Variants in DAB1 observed in about 807,000 individuals in gnomAD.
DAB1 encodes DAB adaptor protein 1, also known as disabled homolog 1.
Under a neutral mutation model 64.6 loss-of-function variants are expected in DAB1, and 15 were observed. The observed-to-expected ratio is 0.23, with a 90% CI of 0.16 to 0.36. The LOEUF (loss-of-function observed/expected upper bound fraction) is 0.36, where lower values mean the gene tolerates loss of function less well. DAB1 is among the 10% of genes least tolerant of loss of function. The probability of loss-of-function intolerance (pLI) is 1.00; values close to 1 mark genes in which losing one functional copy is unlikely to be tolerated. For missense variants in DAB1, 596 were observed against 706.7 expected (o/e 0.84, Z 1.78); for synonymous variants, 235 against 251.9 (o/e 0.93, Z 0.64).
At chr1:57,129,969 T>A (rs1348368883) in intron 4 of DAB1, among the ~76,000 whole-genome samples, 1 of 151,998 alleles carries the variant, frequency 6.6e-6, no homozygotes, top group African/African-American at 2.4e-5. Flanking sequence ...CCGATTAGCA[T>A]CTGTGTCACA....
intron 2 of DAB1, among the ~76,000 whole-genome samples, chr1:57,150,535 C>T (rs931194091): frequency 3.9e-5 from 6 of 152,156 alleles, no homozygotes; most frequent in Non-Finnish European, 8.8e-5. Flanking sequence ...GAGGAAGCCA[C>T]ATTTCAAAAG....
chr1:58,338,369 C>A (rs1408490440), intron 4 of DAB1, among the ~76,000 whole-genome samples: 1 of 152,150 alleles, frequency 6.6e-6, no homozygotes, highest in Non-Finnish European at 1.5e-5. Flanking sequence ...GTCCTTCATT[C>A]CTCTTGCCCA....
chr1:58,088,647 G>T (rs1364997472), intron 5 of DAB1, among the ~76,000 whole-genome samples: 2 of 152,208 alleles, frequency 1.3e-5, no homozygotes, highest in Non-Finnish European at 2.9e-5. Context: ...AACTTTCTCA[G>T]TGGGAAGGCA....
At chr1:57,593,870 A>G (rs1166840182) in intron 7 of DAB1, among the ~76,000 whole-genome samples, 1 of 152,248 alleles carries the variant, frequency 6.6e-6, no homozygotes, top group African/African-American at 2.4e-5. Flanking sequence ...AGAGAATGCC[A>G]TATTCCCAAA....
intron 4 of DAB1, among the ~76,000 whole-genome samples, chr1:58,246,916 G>A (rs987186343): frequency 7.0e-4 from 107 of 152,068 alleles, no homozygotes; most frequent in Non-Finnish European, 1.5e-3. Context: ...GTGTGAGCAT[G>A]TGTGTGTGTT....
chr1:57,059,704 A>T (rs1283537183), intron 9 of DAB1, among the ~76,000 whole-genome samples: 1 of 151,974 alleles, frequency 6.6e-6, no homozygotes, highest in Non-Finnish European at 1.5e-5. Context: ...TTTCCAATAC[A>T]TAAACTACTC....
At chr1:57,482,200 T>C (rs1232817228) in intron 7 of DAB1, among the ~76,000 whole-genome samples, 2 of 152,026 alleles carry the variant, frequency 1.3e-5, no homozygotes, top group Non-Finnish European at 2.9e-5. Context: ...TAAGTTCGCA[T>C]GAAAGAGCGA....
chr1:57,203,707 T>C (rs1381612683), intron 2 of DAB1, among the ~76,000 whole-genome samples: 3 of 152,214 alleles, frequency 2.0e-5, no homozygotes, highest in Non-Finnish European at 4.4e-5. Context: ...TGCACTGGAC[T>C]GCATTGTCTC....
intron 2 of DAB1, among the ~76,000 whole-genome samples, chr1:57,287,246 A>AT (rs34523421): frequency 1.6e-4 from 24 of 150,926 alleles, no homozygotes; most frequent in Non-Finnish European, 2.5e-4. Flanking sequence ...CATTCTTTGC[A>AT]TTTTTTTTTG....
At chr1:57,408,537 C>T (rs1357111304) in intron 1 of DAB1, among the ~76,000 whole-genome samples, 1 of 152,098 alleles carries the variant, frequency 6.6e-6, no homozygotes, top group African/African-American at 2.4e-5. Flanking sequence ...TCTGGAATTG[C>T]AGAAAAGGGA....
chr1:57,406,874 C>T (rs1015506031), intron 1 of DAB1, among the ~76,000 whole-genome samples: 3 of 152,188 alleles, frequency 2.0e-5, no homozygotes, highest in African/African-American at 7.2e-5. Flanking sequence ...ATGTCCAAGA[C>T]AAAGTCACCA....
intron 6 of DAB1, 140 bp from the exon 7 acceptor site, chr1:57,071,201 C>T (rs952548784): frequency 4.8e-6 from 4 of 839,086 alleles, no homozygotes; most frequent in Admixed American, 2.7e-5. Flanking sequence ...GTAGAAAAAA[C>T]ACAAAAAAGT....
chr1:57,458,641 C>G (rs1231109076), intron 7 of DAB1, among the ~76,000 whole-genome samples: 2 of 151,994 alleles, frequency 1.3e-5, no homozygotes, highest in African/African-American at 2.4e-5. Context: ...ATGATTTATA[C>G]ATTATAAAAA....
chr1:57,625,531 C>T (rs1645912595), intron 7 of DAB1, among the ~76,000 whole-genome samples: 1 of 152,128 alleles, frequency 6.6e-6, no homozygotes, highest in African/African-American at 2.4e-5. Context: ...TCAGCACCCA[C>T]TCTGGCAAAA....
At chr1:58,497,455 G>C (rs1204062222) in intron 3 of DAB1, among the ~76,000 whole-genome samples, 2 of 152,146 alleles carry the variant, frequency 1.3e-5, no homozygotes, top group Non-Finnish European at 2.9e-5. Context: ...ACTACTTTCT[G>C]AAATGCATAC....
At chr1:57,386,498 TGAATA>T (rs904231717) in intron 1 of DAB1, 6 of 152,024 alleles carry the variant, frequency 3.9e-5, no homozygotes, top group Non-Finnish European at 7.4e-5. Context: ...AACCTGAGAC[TGAATA>T]GAACCCATTG....
chr1:57,350,262 A>G (rs1678472315), intron 1 of DAB1, among the ~76,000 whole-genome samples: 1 of 152,144 alleles, frequency 6.6e-6, no homozygotes, highest in African/African-American at 2.4e-5. Context: ...CACTGATACA[A>G]AGAATTTGAA....
chr1:57,519,319 C>CG (rs1644498646), intron 7 of DAB1, among the ~76,000 whole-genome samples: 1 of 151,984 alleles, frequency 6.6e-6, no homozygotes, highest in Non-Finnish European at 1.5e-5. Context: ...ATAAGCCTGC[C>CG]GGTGCCCTGA....
At chr1:58,077,673 T>C (rs191431134) in intron 5 of DAB1, among the ~76,000 whole-genome samples, 16 of 152,294 alleles carry the variant, frequency 1.1e-4, no homozygotes, top group Admixed American at 1.0e-3. Context: ...AGCAGCTAAC[T>C]GACAAAGTAC....
Sources: gnomAD v4.1 joint callset for allele counts (sites outside exome capture counted in the v4.1 genomes callset) on GRCh38, gnomAD v4.1.1 for gene constraint, MANE v1.5 for transcripts, NCBI Gene and HGNC (gene_info 2026-07-23, HGNC 2026-07-21) for gene names.